GABRR1: variants seen among roughly 807,000 people sequenced by gnomAD.
GABRR1 encodes the protein gamma-aminobutyric acid receptor subunit rho-1.
Under a neutral mutation model 55.5 loss-of-function variants are expected in GABRR1, and 59 were observed. That is an observed-to-expected ratio of 1.06 (90% CI 0.86 to 1.32). The LOEUF (loss-of-function observed/expected upper bound fraction) is 1.32. GABRR1 is among the 40% of genes most tolerant of loss of function. The pLI is 0.00. For synonymous variants in GABRR1, 213 were observed against 226.0 expected, an observed-to-expected ratio of 0.94 and a Z score of 0.51; for missense variants, 602 against 619.1, an observed-to-expected ratio of 0.97 and a Z score of 0.29.
chr6:89,221,397 A>G (rs919973501), upstream of GABRR1: 8 of 152,204 alleles, frequency 5.3e-5, no homozygotes, highest in Non-Finnish European at 4.4e-5. Context: ...AGCCCTCTGC[A>G]TCCGTGGGTT....
chr6:89,203,249 C>T (rs774542514), intron 2 of GABRR1, among the ~76,000 whole-genome samples, 186 bp downstream of exon 2: 6 of 152,160 alleles, frequency 3.9e-5, no homozygotes, highest in South Asian at 2.1e-4. Flanking sequence ...CTCACCAGCT[C>T]GATCCAGGAG....
intron 6 of GABRR1, among the ~76,000 whole-genome samples, 157 bp downstream of exon 6, chr6:89,190,008 G>A (rs1485920517): frequency 1.3e-5 from 2 of 151,902 alleles, no homozygotes; most frequent in Admixed American, 6.6e-5. Context: ...ACTGCGCCAC[G>A]GCATTCCAGC....
At chr6:89,215,007 A>AAAAAC (rs1772943358) in intron 1 of GABRR1, among the ~76,000 whole-genome samples, 1 of 152,230 alleles carries the variant, frequency 6.6e-6, no homozygotes, top group Non-Finnish European at 1.5e-5. Flanking sequence ...CAAACGAACA[A>AAAAAC]AAAACAAAAC....
intron 5 of GABRR1, among the ~76,000 whole-genome samples, chr6:89,194,615 AT>A (rs1402662224): frequency 6.6e-6 from 1 of 152,192 alleles, no homozygotes; most frequent in Non-Finnish European, 1.5e-5. Flanking sequence ...GTGCAGTGAT[AT>A]CCAAAAAATA....
intron 1 of GABRR1, among the ~76,000 whole-genome samples, chr6:89,216,904 AT>A (rs967346802): frequency 1.3e-5 from 2 of 152,114 alleles, no homozygotes; most frequent in Admixed American, 6.6e-5. Flanking sequence ...TGCCCTTGAT[AT>A]TTTTTTTAAA....
At chr6:89,198,397 G>C (rs1485222247) in intron 4 of GABRR1, among the ~76,000 whole-genome samples, 154 bp from the exon 5 acceptor site, 3 of 135,586 alleles carry the variant, frequency 2.2e-5, no homozygotes, top group Non-Finnish European at 4.7e-5. Flanking sequence ...TGCAGTAGGA[G>C]GAAGAGAACG....
At chr6:89,190,921 A>G (rs1234264169) in intron 5 of GABRR1, among the ~76,000 whole-genome samples, 1 of 152,230 alleles carries the variant, frequency 6.6e-6, no homozygotes, top group Non-Finnish European at 1.5e-5. Flanking sequence ...AAACACATAC[A>G]GATCATTCTT....
chr6:89,180,346 G>A lies in GABRR1; in HGVS notation c.1092C>T (p.Ala364=), dbSNP rs145390387. ...FVFLSVLEYA[A]VNYLTTVQER... is the part of the protein sequence containing the mutation. Reference sequence around the variant, plus strand: ...CCTGCACAGTGGTCAGGTAGTTGACGGCCGCATACTCCAGCACCGAGAGGA... The same window carrying A: ...CCTGCACAGTGGTCAGGTAGTTGACAGCCGCATACTCCAGCACCGAGAGGA... The change falls in exon 9 of 10, where the codon GCC becomes GCT. Residue 364 remains alanine (A), a synonymous_variant. Transcript: ENST00000454853. 28 of 1,613,792 alleles carry A rather than the reference G, an allele frequency of 1.7e-5. No homozygotes were observed. Among genetic ancestry groups the A allele is most frequent in the South Asian group, 2.2e-5 (2 of 91,044 alleles).
At chr6:89,212,750 C>A (rs535186479) in intron 1 of GABRR1, among the ~76,000 whole-genome samples, 322 of 152,164 alleles carry the variant, frequency 2.1e-3, no homozygotes, top group African/African-American at 7.5e-3. Flanking sequence ...CTCACTGCAG[C>A]CTTGACATCC....
Position 89,203,755 on chromosome 6 carries a change from G to A in GABRR1, c.123-270C>T, listed in dbSNP as rs1188953182. On this transcript the variant is annotated intron_variant, in intron 1 of 9. Transcript: ENST00000454853. ...ATCTCCCCCACTGGTCTACCCGGGC[G>A]TGAAATGGACGCCATTCTTTTAGAA... Among the ~76,000 whole-genome samples, 9 of 152,332 alleles carry A rather than the reference G, an allele frequency of 5.9e-5. No homozygotes were observed. In the South Asian group the frequency reaches 1.7e-3, roughly 28 times the overall value.
At chr6:89,226,186 T>A (rs1428963089) in intron 1 of GABRR1, among the ~76,000 whole-genome samples, 1 of 151,506 alleles carries the variant, frequency 6.6e-6, no homozygotes, top group Non-Finnish European at 1.5e-5. Flanking sequence ...GATGAGTAGG[T>A]TGCGAAAATT....
chr6:89,211,207 C>G (rs139282627), intron 1 of GABRR1, among the ~76,000 whole-genome samples: 1 of 152,208 alleles, frequency 6.6e-6, no homozygotes, highest in East Asian at 1.9e-4. Flanking sequence ...AAGAGAAAAT[C>G]AAATTTCAAG....
chr6:89,190,858 A>G (rs561931063), intron 5 of GABRR1, among the ~76,000 whole-genome samples: 1 of 152,344 alleles, frequency 6.6e-6, no homozygotes, highest in East Asian at 1.9e-4. Context: ...GCTGGCATTG[A>G]GTGATTTTAT....
Position 89,217,186 on chromosome 6 carries a change from TAA to T in GABRR1, c.122+13_122+14del, listed in dbSNP as rs765986267. ...CCTCTTTTCCTAAATCCTCTATCCC[TAA>T]ATGTCCACTCACCTGCCTTTCTTAG... On this transcript the variant is annotated intron_variant, in intron 1 of 9. Coordinates refer to ENST00000454853, the MANE Select transcript of GABRR1 (RefSeq NM_002042.5). 7.6e-5 allele frequency: 122 copies of T among 1,613,414 alleles called. 1 individual carries two copies. In the South Asian group the frequency reaches 1.3e-3, roughly 18 times the overall value.
chr6:89,198,259 C>T lies in GABRR1; in HGVS notation c.349-16G>A, dbSNP rs780752919. On this transcript the variant is annotated splice_polypyrimidine_tract_variant and intron_variant, in intron 4 of 9. Transcript: ENST00000454853. ...TCGTAAAGTCCTGGGAGCAGAAGGG[C>T]AGAGAGGGAACCCCAGACACACACA... 6.3e-7 allele frequency: 1 copy of T among 1,577,492 alleles called. No individual in the cohort carries two copies. Among genetic ancestry groups the T allele is most frequent in the Admixed American group, 1.7e-5 (1 of 59,956 alleles).
chr6:89,189,921 C>A (rs150770623), intron 6 of GABRR1, among the ~76,000 whole-genome samples: 27 of 152,208 alleles, frequency 1.8e-4, no homozygotes, highest in African/African-American at 6.5e-4. Context: ...TGGCAGGTGC[C>A]TGTAATCCCA....
At chr6:89,188,545 T>C (rs1771984675) in intron 6 of GABRR1, among the ~76,000 whole-genome samples, 1 of 152,206 alleles carries the variant, frequency 6.6e-6, no homozygotes, top group Admixed American at 6.5e-5. Flanking sequence ...TCTTGGCCAT[T>C]TGTATACCGT....
rs992138915 is a variant in GABRR1, at chr6:89,201,356, G to A, written c.174-91C>T. 3.7e-6 allele frequency: 3 copies of A among 802,268 alleles called. No homozygotes were observed. The Admixed American group carries it at 6.0e-5, about 16-fold the overall frequency. 49.7% of individuals were successfully genotyped at this position (802,268 alleles called of 1,614,324 possible). A position where few individuals can be genotyped will look rare whatever the true frequency, so the allele number is the denominator to read the frequency against. On this transcript the variant is annotated intron_variant, in intron 2 of 9. Transcript: ENST00000454853. ...ATTCTGACTTGATCTTGATAGGTGT[G>A]ATGGGGTGTGCTATTTCTTCTTTTA...
At chr6:89,214,153 G>C (rs1772914130) in intron 1 of GABRR1, among the ~76,000 whole-genome samples, 1 of 141,330 alleles carries the variant, frequency 7.1e-6, no homozygotes, top group South Asian at 2.3e-4. Context: ...GAAGTGGTGA[G>C]AGTGAGTCTT....
Sources: gnomAD v4.1 joint callset for allele counts (sites outside exome capture counted in the v4.1 genomes callset) on GRCh38, gnomAD v4.1.1 for gene constraint, MANE v1.5 for transcripts, NCBI Gene and HGNC (gene_info 2026-07-23, HGNC 2026-07-21) for gene names.